The following HAUS7 variants were observed in gnomAD, a reference collection of about 807,000 sequenced individuals.
HAUS7 encodes HAUS augmin-like complex subunit 7.
HAUS7 carries 3 observed loss-of-function variants against 28.4 expected under a neutral mutation model. The observed-to-expected ratio is 0.11, with a 90% CI of 0.05 to 0.27. The LOEUF (loss-of-function observed/expected upper bound fraction) is 0.27. Among genes scored for constraint, HAUS7 ranks in the 10% least tolerant of loss-of-function variants. The pLI, the probability that HAUS7 is intolerant of heterozygous loss-of-function variation, is 1.00. For missense variants in HAUS7, 284 were observed against 297.3 expected, an observed-to-expected ratio of 0.96 and a Z score of 0.33; for synonymous variants, 165 against 132.1, an observed-to-expected ratio of 1.25 and a Z score of -1.71.
At chrX:153,448,218 A>G (rs2089188768) in intron 9 of HAUS7, among the ~76,000 whole-genome samples, 1 of 110,814 alleles carries the variant, frequency 9.0e-6, no homozygotes, top group African/African-American at 3.3e-5. Flanking sequence ...CGGCCCATAA[A>G]AAAAGATGAG....
intron 4 of HAUS7, among the ~76,000 whole-genome samples, chrX:153,461,265 C>T (rs782630151): frequency 1.8e-5 from 2 of 111,983 alleles, no homozygotes; most frequent in Non-Finnish European, 3.8e-5. Flanking sequence ...ACTTGGCACA[C>T]GGAGAACCAC....
In HAUS7 at chrX:153,448,819, G is replaced by A. The variant is rs191116466; in HGVS notation, c.1046-910C>T. 7.5e-3 allele frequency among the ~76,000 whole-genome samples: 847 copies of A among 112,189 alleles called. 9 individuals carry two copies. Among genetic ancestry groups the A allele is most frequent in the African/African-American group, 0.026 (801 of 30,973 alleles). On this transcript the variant is annotated intron_variant, in intron 9 of 9. Coordinates refer to ENST00000370211, the MANE Select transcript of HAUS7 (RefSeq NM_001385482.1). ...GTCACACCGACCGCAGCACAGTTCC[G>A]AGACCCAGGCCAGGGTCTGTTGACC... is the stretch of plus-strand genomic sequence containing the variant.
intron 1 of HAUS7, chrX:153,486,784 C>G (rs1265579593): frequency 2.2e-5 from 22 of 981,336 alleles, no homozygotes; most frequent in Non-Finnish European, 2.8e-5. Context: ...CCTCCAGCCC[C>G]AGCGGCGGGG....
intron 3 of HAUS7, among the ~76,000 whole-genome samples, chrX:153,463,307 G>A (rs936020202): frequency 8.9e-6 from 1 of 111,737 alleles, no homozygotes; most frequent in African/African-American, 3.3e-5. Flanking sequence ...CTGTGGGGAA[G>A]CACTCAGTAA....
At chrX:153,448,531 C>G (rs1445757879) in intron 9 of HAUS7, among the ~76,000 whole-genome samples, 1 of 108,643 alleles carries the variant, frequency 9.2e-6, no homozygotes, top group Non-Finnish European at 1.9e-5. Flanking sequence ...TACCCTAGAA[C>G]TTAAAGTATA....
chrX:153,456,031 G>A (rs112459011), intron 7 of HAUS7, among the ~76,000 whole-genome samples: 5,954 of 112,327 alleles, frequency 0.053, 348 homozygotes, highest in African/African-American at 0.17. Context: ...GACCACGTGC[G>A]GCAAGGCACA....
Position 153,455,733 on chromosome X carries a change from C to T in HAUS7, c.739G>A (p.Gly247Ser), listed in dbSNP as rs1569530742. 1 of 1,199,200 alleles carries T rather than the reference C, an allele frequency of 8.3e-7. No homozygotes were observed. The highest frequency in any genetic ancestry group is 3.0e-5 in the East Asian group (1 of 33,796). The change falls in exon 8 of 10, where the codon GGC becomes AGC. Residue 247 changes from glycine (G) to serine (S), a missense_variant. Physicochemically the swap from Gly to Ser is moderately conservative, Grantham distance 56. Coordinates refer to ENST00000370211, the MANE Select transcript of HAUS7 (RefSeq NM_001385482.1). ...FAQHEQGAAA[G>S]AADISTLDQK... ...TCTAGGGTGCTGATGTCGGCTGCGC[C>T]CGCAGCAGCCCCTTGCTCATGCTGT...
Position 153,464,992 on chromosome X carries a change from G to A in HAUS7, c.288C>T (p.Ile96=), listed in dbSNP as rs2089437927. 8.4e-7 allele frequency: 1 copy of A among 1,183,809 alleles called. No homozygotes were observed. Among genetic ancestry groups the A allele is most frequent in the African/African-American group, 1.7e-5 (1 of 57,205 alleles). Residue 96 remains isoleucine (I), a synonymous_variant, in exon 3 of 10, where the codon ATC becomes ATT. Transcript: ENST00000370211. Reference sequence around the variant, plus strand: ...ATGGACCAAGATTCCACCTACCTTGGATCTTCACCTCTGTTGGGACCCCTT... The same window carrying A: ...ATGGACCAAGATTCCACCTACCTTGAATCTTCACCTCTGTTGGGACCCCTT... ...SLKGVPTEVK[I]QEMTKLGHEL...
intron 4 of HAUS7, among the ~76,000 whole-genome samples, chrX:153,460,560 TAAA>T: frequency 1.0e-5 from 1 of 98,002 alleles, no homozygotes; most frequent in African/African-American, 3.7e-5. Flanking sequence ...TTTTTTAAAT[TAAA>T]AAAAAAAAAA....
At chrX:153,464,560 A>T (rs1556983966) in intron 3 of HAUS7, among the ~76,000 whole-genome samples, 1 of 112,691 alleles carries the variant, frequency 8.9e-6, no homozygotes, top group African/African-American at 3.2e-5. Context: ...GTTAGCCACC[A>T]ACTTGGGGAC....
At chrX:153,450,779 C>G (rs1052207199) in intron 9 of HAUS7, among the ~76,000 whole-genome samples, 4 of 112,311 alleles carry the variant, frequency 3.6e-5, no homozygotes, top group Non-Finnish European at 7.5e-5. Flanking sequence ...GCACCTCCAA[C>G]AGAGCCTGGC....
At chrX:153,480,219 A>G (rs1217867963) in intron 1 of HAUS7, among the ~76,000 whole-genome samples, 1 of 109,770 alleles carries the variant, frequency 9.1e-6, no homozygotes, top group Non-Finnish European at 1.9e-5. Flanking sequence ...GAGCAGCCCA[A>G]GGCTTTCTAC....
At chrX:153,488,381 G>A (rs2089651648) in intron 1 of HAUS7, among the ~76,000 whole-genome samples, 2 of 113,064 alleles carry the variant, frequency 1.8e-5, no homozygotes, top group South Asian at 7.2e-4. Flanking sequence ...CAAGGACCTC[G>A]CCCCGCCATC....
chrX:153,459,730 C>T (rs781812662), intron 4 of HAUS7, among the ~76,000 whole-genome samples: 11 of 112,339 alleles, frequency 9.8e-5, no homozygotes, highest in Admixed American at 3.8e-4. Flanking sequence ...AAAATATATG[C>T]GGAGGACGGG....
intron 1 of HAUS7, chrX:153,481,322 T>C: frequency 4.1e-6 from 3 of 725,626 alleles, no homozygotes; most frequent in Non-Finnish European, 3.2e-6. Flanking sequence ...AGGGCCCCTG[T>C]TGCTTGTGAC....
At chrX:153,448,033 C>A (rs1556980388) in intron 9 of HAUS7, 124 bp from the exon 10 acceptor site, 1 of 536,551 alleles carries the variant, frequency 1.9e-6, no homozygotes, top group African/African-American at 2.3e-5. Flanking sequence ...CCCAGCCATC[C>A]CATTACTGGG....
Position 153,454,463 on chromosome X carries a change from C to A in HAUS7, c.976G>T (p.Val326Leu), listed in dbSNP as rs146845946. Residue 326 changes from valine (V) to leucine (L), a missense_variant, in exon 9 of 10, where the codon GTG becomes TTG. Val to Leu is a conservative substitution (Grantham distance 32, BLOSUM62 1). Transcript: ENST00000370211. ...MAVADTSAKA[V>L]ETVKKQQGEQ... ...CCTTGCTGCTTCTTCACGGTCTCCA[C>A]GGCCTTCGCAGAGGTGTCAGCAACT... is the stretch of plus-strand genomic sequence containing the variant. 1 of 1,134,847 alleles carries A rather than the reference C, an allele frequency of 8.8e-7. No individual in the cohort carries two copies. The highest frequency in any genetic ancestry group is 1.2e-6 in the Non-Finnish European group (1 of 843,101). 93.5% of individuals were successfully genotyped at this position (1,134,847 alleles called of 1,213,427 possible).
chrX:153,468,043 A>T (rs1556984508), intron 2 of HAUS7, among the ~76,000 whole-genome samples: 1 of 112,344 alleles, frequency 8.9e-6, no homozygotes, highest in African/African-American at 3.2e-5. Context: ...TGAAGCGAGG[A>T]GCTGCTGTGC....
intron 1 of HAUS7, among the ~76,000 whole-genome samples, chrX:153,490,655 C>G (rs1401889251): frequency 8.9e-6 from 1 of 112,983 alleles, no homozygotes; most frequent in Non-Finnish European, 1.9e-5. Flanking sequence ...ACGAAGCCCA[C>G]AGGCTCGGAG....
Sources: gnomAD v4.1 joint callset for allele counts (sites outside exome capture counted in the v4.1 genomes callset) on GRCh38, gnomAD v4.1.1 for gene constraint, MANE v1.5 for transcripts, NCBI Gene and HGNC (gene_info 2026-07-23, HGNC 2026-07-21) for gene names.